Variants in CHSY1 observed in about 807,000 individuals in gnomAD.
CHSY1 encodes chondroitin sulfate synthase 1.
Under a neutral mutation model 59.8 loss-of-function variants are expected in CHSY1, and 13 were observed. That is an observed-to-expected ratio of 0.22 (90% CI 0.14 to 0.35). The LOEUF (loss-of-function observed/expected upper bound fraction) is 0.35, where lower values mean the gene tolerates loss of function less well. Ranked by LOEUF, CHSY1 falls within the 10% of genes least tolerant of loss-of-function variation. CHSY1 has a pLI of 1.00. For missense variants in CHSY1, 947 were observed against 1,030.6 expected (o/e 0.92, Z 1.11); for synonymous variants, 459 against 401.2 (o/e 1.14, Z -1.72).
At chr15:101,190,421 G>A (rs2038428909) in intron 2 of CHSY1, among the ~76,000 whole-genome samples, 1 of 152,164 alleles carries the variant, frequency 6.6e-6, no homozygotes. Context: ...GGAACAACTG[G>A]ACATCCAAAT....
In CHSY1 at chr15:101,245,620, C is replaced by T. The variant is rs185311939; in HGVS notation, c.320+5517G>A. Among the ~76,000 whole-genome samples the T allele has an allele frequency of 1.8e-3, 278 of 152,332 alleles. 1 individual carries two copies. The highest frequency in any genetic ancestry group is 3.1e-3 in the South Asian group (15 of 4,824). Reference sequence around the variant, plus strand: ...CGTGAAGCTGCCGGTGCAATGGAAACAGTCACGCACAATCCGCTATTGACA... The same window carrying T: ...CGTGAAGCTGCCGGTGCAATGGAAATAGTCACGCACAATCCGCTATTGACA... On this transcript the variant is annotated intron_variant, in intron 1 of 2. Coordinates refer to ENST00000254190, the MANE Select transcript of CHSY1 (RefSeq NM_014918.5).
chr15:101,229,909 AAAT>A (rs1394083083), intron 2 of CHSY1, among the ~76,000 whole-genome samples: 1 of 151,982 alleles, frequency 6.6e-6, no homozygotes, highest in African/African-American at 2.4e-5. Context: ...TCTGCCTCAA[AAAT>A]AATAATGATG....
At position 101,177,563 on chromosome 15, in the gene CHSY1, A is replaced by G. The variant is rs1291609644; in HGVS notation, c.2234T>C (p.Val745Ala). 1 of 1,614,138 alleles carries G rather than the reference A, an allele frequency of 6.2e-7. No individual in the cohort carries two copies. The highest frequency in any genetic ancestry group is 8.5e-7 in the Non-Finnish European group (1 of 1,179,996). Residue 745 changes from valine (V) to alanine (A), a missense_variant, in exon 3 of 3, where the codon GTC becomes GCC. Physicochemically the swap from Val to Ala is moderately conservative, Grantham distance 64. Transcript: ENST00000254190. ...GGGATCACAAAAGACAGGATGGTGG[A>G]CGTGGACTACTCCTACTTCCTGGCT... ...FRSQEVGVVH[V>A]HHPVFCDPNL... is the part of the protein sequence containing the mutation.
intron 2 of CHSY1, among the ~76,000 whole-genome samples, chr15:101,183,144 G>A (rs1315374278): frequency 2.6e-5 from 4 of 151,558 alleles, no homozygotes; most frequent in Non-Finnish European, 5.9e-5. Flanking sequence ...AGATCATAAC[G>A]ATAAAAAAAA....
chr15:101,240,836 C>T (rs1283972171), intron 1 of CHSY1, among the ~76,000 whole-genome samples: 1 of 152,104 alleles, frequency 6.6e-6, no homozygotes, highest in Non-Finnish European at 1.5e-5. Context: ...TCATAGTCTC[C>T]ATTTCCATTC....
intron 1 of CHSY1, among the ~76,000 whole-genome samples, chr15:101,236,645 C>T (rs1372925430): frequency 1.3e-5 from 2 of 151,894 alleles, no homozygotes; most frequent in African/African-American, 4.8e-5. Context: ...CACGGTGAAA[C>T]CCCGTCTCTA....
chr15:101,235,717 A>AAG, intron 1 of CHSY1, 140 bp from the exon 2 acceptor site: 1 of 855,148 alleles, frequency 1.2e-6, no homozygotes, highest in Non-Finnish European at 1.8e-6. Context: ...CCTCTTAACG[A>AAG]AAGCCCAGGT....
intron 1 of CHSY1, among the ~76,000 whole-genome samples, chr15:101,241,459 G>A (rs950960239): frequency 2.0e-5 from 3 of 152,220 alleles, no homozygotes; most frequent in South Asian, 2.1e-4. Flanking sequence ...TGGAAAAAAA[G>A]TTTTAACTGG....
At position 101,235,272 on chromosome 15, in the gene CHSY1, T is replaced by C; in HGVS notation, c.626A>G (p.Lys209Arg). 1 of 1,614,102 alleles carries C rather than the reference T, an allele frequency of 6.2e-7. No homozygotes were observed. Among genetic ancestry groups the C allele is most frequent in the Non-Finnish European group, 8.5e-7 (1 of 1,180,012 alleles). Reference protein sequence around the residue: ...TGLGTTEEMGKLALEPGENFC... With the variant: ...TGLGTTEEMGRLALEPGENFC... ...GTTCTCACCAGGCTCCAGGGCCAGT[T>C]TTCCCATTTCTTCCGTGGTGCCCAG... is the stretch of plus-strand genomic sequence containing the variant. The change falls in exon 2 of 3, where the codon AAA becomes AGA. Residue 209 changes from lysine to arginine, a missense_variant. Transcript: ENST00000254190.
chr15:101,178,357 G>C lies in CHSY1; in HGVS notation c.1440C>G (p.Ile480Met). The change falls in exon 3 of 3, where the codon ATC becomes ATG. Residue 480 changes from isoleucine (I) to methionine (M), a missense_variant. Ile to Met is a conservative substitution (Grantham distance 10). Around this residue, in one of 4 missense-constraint regions of CHSY1, gnomAD observed 602 missense variants for 676.9 expected, o/e 0.89. Transcript: ENST00000254190. ...CCAGCTCCTCATGCTCCACAAACTG[G>C]ATTTTGCTGAAAGTCTGCTGTAAAT... The part of the protein sequence containing the change: ...HAYLQQTFSK[I>M]QFVEHEELDA... 1.2e-6 allele frequency: 2 copies of C among 1,607,976 alleles called. No homozygotes were observed. The highest frequency in any genetic ancestry group is 1.1e-5 in the South Asian group (1 of 90,966).
intron 2 of CHSY1, among the ~76,000 whole-genome samples, chr15:101,229,491 T>C (rs1454659331): frequency 1.3e-5 from 2 of 152,208 alleles, no homozygotes; most frequent in African/African-American, 4.8e-5. Flanking sequence ...ATGATAAAAG[T>C]GTCTATCCAT....
At chr15:101,216,205 A>G (rs1378271099) in intron 2 of CHSY1, among the ~76,000 whole-genome samples, 1 of 152,210 alleles carries the variant, frequency 6.6e-6, no homozygotes, top group East Asian at 1.9e-4. Context: ...ACCGCTATAT[A>G]ACTATTAGAA....
chr15:101,217,340 G>A (rs1265189306), intron 2 of CHSY1, among the ~76,000 whole-genome samples: 1 of 152,136 alleles, frequency 6.6e-6, no homozygotes, highest in Non-Finnish European at 1.5e-5. Flanking sequence ...GTCACATACA[G>A]AAATATTTAT....
At chr15:101,187,556 GATTTT>G (rs1406571201) in intron 2 of CHSY1, 1 of 152,096 alleles carries the variant, frequency 6.6e-6, no homozygotes, top group Non-Finnish European at 1.5e-5. Context: ...AGTTTAAGAG[GATTTT>G]ATTATAAGGT....
chr15:101,212,367 A>C (rs2038690079), intron 2 of CHSY1, among the ~76,000 whole-genome samples: 2 of 152,246 alleles, frequency 1.3e-5, no homozygotes, highest in Admixed American at 1.3e-4. Flanking sequence ...CTTGTTCAAG[A>C]GTAGTCAAAG....
chr15:101,190,076 C>T (rs1249402433), intron 2 of CHSY1, among the ~76,000 whole-genome samples: 5 of 152,188 alleles, frequency 3.3e-5, no homozygotes, highest in Admixed American at 1.3e-4. Context: ...GTTTTGAGCA[C>T]GACCCCTGTG....
In CHSY1 at chr15:101,214,079, G is replaced by C. The variant is rs369887022; in HGVS notation, c.816+21003C>G. Among the ~76,000 whole-genome samples the C allele has an allele frequency of 7.9e-5, 12 of 152,342 alleles. No individual in the cohort carries two copies. The East Asian group carries it at 2.3e-3, about 29-fold the overall frequency. On this transcript the variant is annotated intron_variant, in intron 2 of 2. Transcript: ENST00000254190. ...CACCTGTGGGGCTGGTGGGGCAAAA[G>C]CCTGTGAAATGGCATCTGGCCTTGT...
intron 2 of CHSY1, among the ~76,000 whole-genome samples, chr15:101,192,211 C>T (rs375456473): frequency 5.8e-4 from 89 of 152,342 alleles, no homozygotes; most frequent in African/African-American, 2.1e-3. Flanking sequence ...TAATTGCCCT[C>T]TAAGTACTTG....
chr15:101,179,216 C>G (rs1228391313), intron 2 of CHSY1, among the ~76,000 whole-genome samples: 1 of 152,138 alleles, frequency 6.6e-6, no homozygotes, highest in South Asian at 2.1e-4. Flanking sequence ...CACAGGCAAA[C>G]AGAATTATGA....
Sources: allele counts gnomAD v4.1 joint callset (sites outside exome capture counted in the v4.1 genomes callset), GRCh38; gene constraint gnomAD v4.1.1; regional missense constraint gnomAD v4.1.1; transcripts MANE v1.5; gene names NCBI Gene and HGNC (gene_info 2026-07-23, HGNC 2026-07-21).